Variants in TRIM2 observed in about 807,000 individuals in gnomAD.
The protein encoded by TRIM2 is tripartite motif containing 2.
Under a neutral mutation model 75.2 loss-of-function variants are expected in TRIM2, and 20 were observed. The ratio of observed to expected loss-of-function variants is 0.27; its 90% confidence interval spans 0.19 to 0.39. TRIM2 has a LOEUF of 0.39. Among genes scored for constraint, TRIM2 ranks in the 10% least tolerant of loss-of-function variants. The probability of loss-of-function intolerance (pLI) is 1.00; values close to 1 mark genes in which losing one functional copy is unlikely to be tolerated. For synonymous variants in TRIM2, 373 were observed against 388.3 expected, an observed-to-expected ratio of 0.96 and a Z score of 0.46; for missense variants, 660 against 990.8, an observed-to-expected ratio of 0.67 and a Z score of 4.48.
intron 10 of TRIM2, among the ~76,000 whole-genome samples, chr4:153,325,688 T>TA (rs1770012841): frequency 6.6e-6 from 1 of 152,224 alleles, no homozygotes. Context: ...TATGAGATCC[T>TA]AATAGTACAA....
Position 153,335,153 on chromosome 4 carries a change from A to G in TRIM2, c.*187A>G. The G allele has an allele frequency of 1.6e-6, 2 of 1,278,128 alleles. No individual in the cohort carries two copies. The highest frequency in any genetic ancestry group is 2.0e-6 in the Non-Finnish European group (2 of 1,011,094). The allele number at this position is 1,278,128 out of a possible 1,614,324, so 79.2% of individuals were successfully genotyped here. The stretch of plus-strand genomic sequence containing the variant: ...TATCCAATTTCTGTATTTCACCTTT[A>G]GGGTTAAAAAAAACTCTTCTACTGA... On this transcript the variant is annotated 3_prime_UTR_variant, in exon 12 of 12. Transcript: ENST00000338700.
At chr4:153,308,526 G>A (rs369070891) in intron 6 of TRIM2, 1 of 748,076 alleles carries the variant, frequency 1.3e-6, no homozygotes, top group East Asian at 3.0e-5. Context: ...GTTCCTTTTT[G>A]GTCCTTCTCT....
At chr4:153,216,748 A>C (rs978328773) in intron 1 of TRIM2, among the ~76,000 whole-genome samples, 1 of 152,190 alleles carries the variant, frequency 6.6e-6, no homozygotes, top group Non-Finnish European at 1.5e-5. Context: ...CTCTGATTCC[A>C]AGGTGGTGCC....
Position 153,337,016 on chromosome 4 carries a change from C to A in TRIM2, c.*2050C>A, listed in dbSNP as rs1264597108. On this transcript the variant is annotated 3_prime_UTR_variant, in exon 12 of 12. Transcript: ENST00000338700. Reference sequence around the variant, plus strand: ...TAGGTACCAAGTACTCTTTTAGGCACTGGAAATACAGTGATGGACAAAACA... The same window carrying A: ...TAGGTACCAAGTACTCTTTTAGGCAATGGAAATACAGTGATGGACAAAACA... The A allele has an allele frequency of 3.1e-6, 3 of 981,454 alleles. No individual in the cohort carries two copies. Among genetic ancestry groups the A allele is most frequent in the African/African-American group, 3.5e-5 (2 of 57,122 alleles). The allele number at this position is 981,454 out of a possible 1,614,324, so 60.8% of individuals were successfully genotyped here. A position where few individuals can be genotyped will look rare whatever the true frequency, so the allele number is the denominator to read the frequency against.
intron 1 of TRIM2, among the ~76,000 whole-genome samples, chr4:153,208,718 T>C (rs1245666647): frequency 6.6e-6 from 1 of 152,166 alleles, no homozygotes; most frequent in African/African-American, 2.4e-5. Flanking sequence ...AATGGAAAGC[T>C]AGAACATGTA....
intron 1 of TRIM2, among the ~76,000 whole-genome samples, chr4:153,220,274 AG>A (rs1739585606): frequency 9.6e-6 from 1 of 104,316 alleles, no homozygotes; most frequent in Admixed American, 1.2e-4. Context: ...GAATGAGAAA[AG>A]CTTTAGGAAA....
chr4:153,170,211 C>T (rs1730705653), intron 1 of TRIM2, among the ~76,000 whole-genome samples: 1 of 152,162 alleles, frequency 6.6e-6, no homozygotes, highest in African/African-American at 2.4e-5. Context: ...GTTTAATCAA[C>T]CTCAGTTATA....
chr4:153,180,815 C>A (rs557469676), intron 1 of TRIM2, among the ~76,000 whole-genome samples: 8 of 152,350 alleles, frequency 5.3e-5, no homozygotes, highest in African/African-American at 1.9e-4. Flanking sequence ...GGGAAAAGTA[C>A]TAACACTCCT....
At chr4:153,322,249 A>C (rs1769159114) in intron 8 of TRIM2, among the ~76,000 whole-genome samples, 1 of 152,070 alleles carries the variant, frequency 6.6e-6, no homozygotes, top group Non-Finnish European at 1.5e-5. Context: ...CTCTACTAAA[A>C]ATACAAAAAA....
intron 1 of TRIM2, among the ~76,000 whole-genome samples, chr4:153,169,963 T>C (rs748797004): frequency 1.3e-5 from 2 of 152,238 alleles, no homozygotes; most frequent in Non-Finnish European, 2.9e-5. Flanking sequence ...TTCATCCGCA[T>C]CTAAAGAACA....
intron 11 of TRIM2, among the ~76,000 whole-genome samples, chr4:153,333,754 T>A (rs760008782): frequency 3.3e-5 from 5 of 152,098 alleles, no homozygotes; most frequent in Non-Finnish European, 5.9e-5. Context: ...TTAAAAATAA[T>A]ACGAATTGTA....
At chr4:153,202,920 C>T (rs563374398), upstream of TRIM2, among the ~76,000 whole-genome samples, 146 of 151,664 alleles carry the variant, frequency 9.6e-4, 1 homozygote, top group African/African-American at 3.5e-3. Context: ...GCCTGGCCAA[C>T]ATGATGAAAC....
At chr4:153,306,073 G>A (rs1232143267) in intron 6 of TRIM2, among the ~76,000 whole-genome samples, 1 of 151,022 alleles carries the variant, frequency 6.6e-6, no homozygotes, top group Non-Finnish European at 1.5e-5. Context: ...AGGTTGCATT[G>A]AGCCAAGATC....
intron 1 of TRIM2, among the ~76,000 whole-genome samples, chr4:153,256,408 C>G (rs752420868): frequency 1.3e-5 from 2 of 152,090 alleles, no homozygotes; most frequent in Non-Finnish European, 2.9e-5. Context: ...ATGCAGATGC[C>G]CAGTTTTTTA....
Position 153,298,152 on chromosome 4 carries a change from T to C in TRIM2, c.1510+2116T>C, listed in dbSNP as rs1201594231. Among the ~76,000 whole-genome samples the C allele has an allele frequency of 3.9e-5, 6 of 152,158 alleles. No individual in the cohort carries two copies. The East Asian group carries it at 1.2e-3, about 29-fold the overall frequency. On this transcript the variant is annotated intron_variant, in intron 6 of 11. Transcript: ENST00000338700. ...TGATGTATTGGCACTGCTGGAAAGGTGTTGAAATGTGTAAACATTTGTGAA... is the reference window on the plus strand; with the variant it reads ...TGATGTATTGGCACTGCTGGAAAGGCGTTGAAATGTGTAAACATTTGTGAA...
Position 153,336,011 on chromosome 4 carries a change from G to A in TRIM2, c.*1045G>A. On this transcript the variant is annotated 3_prime_UTR_variant, in exon 12 of 12. Transcript: ENST00000338700. ...AGTGTTACCAAAGTTGTGTTATCTT[G>A]AAAGCATTACAGGTAAGGGCATGTT... 15 of 985,794 alleles carry A rather than the reference G, an allele frequency of 1.5e-5. No individual in the cohort carries two copies. The highest frequency in any genetic ancestry group is 1.8e-5 in the Non-Finnish European group (15 of 829,926). The allele number at this position is 985,794 out of a possible 1,614,324, so 61.1% of individuals were successfully genotyped here.
At chr4:153,152,436 A>T (rs1227067127), upstream of TRIM2, 2 of 148,630 alleles carry the variant, frequency 1.3e-5, no homozygotes, top group Non-Finnish European at 3.0e-5. Context: ...ATATACACAC[A>T]TATATATATG....
chr4:153,315,418 C>G, intron 6 of TRIM2, 67 bp from the exon 7 acceptor site: 1 of 1,290,022 alleles, frequency 7.8e-7, no homozygotes, highest in Non-Finnish European at 1.1e-6. Context: ...CTGAATTATT[C>G]TCTTGCTGAA....
At chr4:153,260,724 ACATCAT>A (rs1553981981) in intron 1 of TRIM2, among the ~76,000 whole-genome samples, 1 of 112,574 alleles carries the variant, frequency 8.9e-6, no homozygotes, top group African/African-American at 3.1e-5. Flanking sequence ...ACACACACAC[ACATCAT>A]CATCATCATC....
Sources: allele counts gnomAD v4.1 joint callset (sites outside exome capture counted in the v4.1 genomes callset), GRCh38; gene constraint gnomAD v4.1.1; transcripts MANE v1.5; gene names NCBI Gene and HGNC (gene_info 2026-07-23, HGNC 2026-07-21).